Variants in ZNF423 observed in about 807,000 individuals in gnomAD.
ZNF423 encodes the protein Ebf-associated zinc finger protein.
In ZNF423, 12 loss-of-function variants were observed where a neutral mutation model predicts 95.8. The observed-to-expected ratio is 0.13, with a 90% confidence interval of 0.08 to 0.20. ZNF423 has a LOEUF of 0.20. Among genes scored for constraint, ZNF423 ranks in the 10% least tolerant of loss-of-function variants. ZNF423 has a pLI of 1.00. For missense variants in ZNF423, 1,316 were observed against 1,737.1 expected, an observed-to-expected ratio of 0.76 and a Z score of 4.31; for synonymous variants, 749 against 711.9, an observed-to-expected ratio of 1.05 and a Z score of -0.83.
At chr16:49,511,298 C>T (rs774066943) in intron 7 of ZNF423, among the ~76,000 whole-genome samples, 76 of 152,186 alleles carry the variant, frequency 5.0e-4, no homozygotes, top group Non-Finnish European at 8.8e-4. Flanking sequence ...ACGCCTGCCT[C>T]GCTGGGAGGT....
At chr16:49,544,691 C>T (rs1018902568) in intron 5 of ZNF423, among the ~76,000 whole-genome samples, 2 of 152,222 alleles carry the variant, frequency 1.3e-5, no homozygotes, top group Admixed American at 6.5e-5. Flanking sequence ...AGGGTGCTTG[C>T]AGGGGCTGAA....
intron 3 of ZNF423, among the ~76,000 whole-genome samples, chr16:49,677,159 A>G (rs2031087821): frequency 6.7e-6 from 1 of 149,360 alleles, no homozygotes; most frequent in Non-Finnish European, 1.5e-5. Flanking sequence ...CGAAGGCTGC[A>G]GTGAGTCATC....
intron 7 of ZNF423, among the ~76,000 whole-genome samples, chr16:49,493,087 G>T (rs1469085659): frequency 6.6e-6 from 1 of 152,114 alleles, no homozygotes; most frequent in Non-Finnish European, 1.5e-5. Context: ...GGATGCAGGC[G>T]GTTTCCATGG....
chr16:49,550,324 G>A (rs1011855722), intron 5 of ZNF423, among the ~76,000 whole-genome samples: 6 of 152,120 alleles, frequency 3.9e-5, no homozygotes, highest in Non-Finnish European at 8.8e-5. Context: ...TTCCCTTTTC[G>A]TCCATTCTCT....
intron 5 of ZNF423, among the ~76,000 whole-genome samples, chr16:49,546,047 T>TAA (rs1237644904): frequency 2.6e-5 from 4 of 152,214 alleles, no homozygotes; most frequent in Non-Finnish European, 4.4e-5. Context: ...TAATTTCTGT[T>TAA]ATGTGCAAAG....
At chr16:49,621,132 G>A (rs550484391) in intron 5 of ZNF423, among the ~76,000 whole-genome samples, 1 of 152,292 alleles carries the variant, frequency 6.6e-6, no homozygotes, top group East Asian at 1.9e-4. Context: ...GGGGTGAAGG[G>A]GAGGTGGGGA....
At chr16:49,527,579 G>A (rs1351595672) in intron 5 of ZNF423, among the ~76,000 whole-genome samples, 2 of 152,144 alleles carry the variant, frequency 1.3e-5, no homozygotes, top group African/African-American at 4.8e-5. Context: ...TTAGAATGAG[G>A]ACACCCCGTG....
At chr16:49,835,885 C>T (rs897600217) in intron 1 of ZNF423, among the ~76,000 whole-genome samples, 3 of 152,144 alleles carry the variant, frequency 2.0e-5, no homozygotes, top group African/African-American at 7.2e-5. Flanking sequence ...CCACAGGTTC[C>T]AACTTAAGCC....
chr16:49,719,494 T>A (rs1167447209), intron 3 of ZNF423, among the ~76,000 whole-genome samples: 1 of 152,224 alleles, frequency 6.6e-6, no homozygotes, highest in South Asian at 2.1e-4. Flanking sequence ...ATAGTCTGGC[T>A]CTGTGTCCCC....
At chr16:49,644,677 A>C (rs1393297745) in intron 3 of ZNF423, among the ~76,000 whole-genome samples, 66 of 145,228 alleles carry the variant, frequency 4.5e-4, no homozygotes, top group Middle Eastern at 3.6e-3. Context: ...AAAAAAAAAA[A>C]AAAAAAAAAA....
Position 49,637,051 on chromosome 16 carries a change from A to G in ZNF423, c.2125T>C (p.Phe709Leu). The change falls in exon 4 of 8, where the codon TTT (phenylalanine) becomes CTT (leucine). Residue 709 changes from phenylalanine (F) to leucine (L), a missense_variant. Physicochemically the swap from Phe to Leu is conservative, Grantham distance 22. Around this residue, in one of 6 missense-constraint regions of ZNF423, gnomAD observed 620 missense variants for 775.6 expected, o/e 0.80. Transcript: ENST00000563137. The surrounding 1 kb of genome is among the most constrained non-coding windows in gnomAD (Gnocchi z 5.6). ...TTCTGCAGGTCATCCACCGAGGAAA[A>G]TTGCTTGTCGCAGCTCTCGCACACA... ...HYVCESCDKQ[F>L]SSVDDLQKHL... 1 of 1,613,828 alleles carries G rather than the reference A, an allele frequency of 6.2e-7. No individual in the cohort carries two copies. Among genetic ancestry groups the G allele is most frequent in the Non-Finnish European group, 8.5e-7 (1 of 1,180,016 alleles).
intron 1 of ZNF423, among the ~76,000 whole-genome samples, chr16:49,833,870 C>T (rs908667351): frequency 6.6e-6 from 1 of 152,162 alleles, no homozygotes; most frequent in African/African-American, 2.4e-5. Context: ...GTGGAAACTC[C>T]AGGCCGCTCC....
chr16:49,636,527 G>T lies in ZNF423; in HGVS notation c.2649C>A (p.Ser883Arg). 1.9e-6 allele frequency: 3 copies of T among 1,613,822 alleles called. No individual in the cohort carries two copies. The highest frequency in any genetic ancestry group is 2.5e-6 in the Non-Finnish European group (3 of 1,180,028). Residue 883 changes from serine (S) to arginine (R), a missense_variant, in exon 4 of 8, where the codon AGC (serine) becomes AGA (arginine). Physicochemically the swap from Ser to Arg is moderately radical, Grantham distance 110. Transcript: ENST00000563137. This position sits in a 1 kb window ranked among gnomAD's most constrained non-coding sequence, Gnocchi z 8.6. ...GCTCCGACGCGTCCACGTCATCCTC[G>T]CTGGCCTCATGGCTGTTAGGTGCCT... Reference protein sequence around the residue: ...NPEAPNSHEASEDDVDASEPM... With the variant: ...NPEAPNSHEAREDDVDASEPM...
chr16:49,771,817 C>T (rs1352133568), intron 2 of ZNF423, among the ~76,000 whole-genome samples: 3 of 152,208 alleles, frequency 2.0e-5, no homozygotes, highest in Non-Finnish European at 4.4e-5. Context: ...GGTATTTCTT[C>T]ACAGCAGTAT....
chr16:49,519,164 C>A (rs1968281344), intron 7 of ZNF423, among the ~76,000 whole-genome samples: 1 of 152,196 alleles, frequency 6.6e-6, no homozygotes, highest in Non-Finnish European at 1.5e-5. Context: ...TAACACATGA[C>A]CCCATCTGTT....
Position 49,855,128 on chromosome 16 carries a change from C to T in ZNF423, c.40+607G>A, listed in dbSNP as rs1372426385. ...GCAGGGGCCCGGGCCGGGAGAAGGC[C>T]TGGGCAGGGGCGGGAGGGGGCGCCA... On this transcript the variant is annotated intron_variant, in intron 1 of 7. Coordinates refer to ENST00000563137, the MANE Select transcript of ZNF423 (RefSeq NM_001379286.1). The surrounding 1 kb of genome is among the most constrained non-coding windows in gnomAD (Gnocchi z 4.7). 11 of 848,568 alleles carry T rather than the reference C, an allele frequency of 1.3e-5. No homozygotes were observed. Among genetic ancestry groups the T allele is most frequent in the Non-Finnish European group, 1.6e-5 (11 of 706,650 alleles). 52.6% of individuals were successfully genotyped at this position (848,568 alleles called of 1,614,324 possible).
chr16:49,625,109 T>A (rs1191887343), intron 5 of ZNF423, among the ~76,000 whole-genome samples: 1 of 152,236 alleles, frequency 6.6e-6, no homozygotes, highest in South Asian at 2.1e-4. Flanking sequence ...CCAGGCGTGG[T>A]GGCTCACGCC....
Position 49,695,251 on chromosome 16 carries a change from T to A in ZNF423, c.301+35520A>T, listed in dbSNP as rs563124914. On this transcript the variant is annotated intron_variant, in intron 3 of 7. Transcript: ENST00000563137. ...GCCTCAACCTCCCAAGTAGCTGGCA[T>A]TATAGGTATGCACCACCATACCTGG... Among the ~76,000 whole-genome samples the A allele has an allele frequency of 1.2e-4, 18 of 152,324 alleles. No homozygotes were observed. In the South Asian group the frequency reaches 3.7e-3, roughly 32 times the overall value.
intron 1 of ZNF423, among the ~76,000 whole-genome samples, chr16:49,813,404 C>T (rs750627401): frequency 1.1e-4 from 17 of 152,170 alleles, no homozygotes; most frequent in African/African-American, 3.4e-4. Flanking sequence ...GCCCCAGCCT[C>T]GGATAACAGC....
Sources: gnomAD v4.1 joint callset for allele counts (sites outside exome capture counted in the v4.1 genomes callset) on GRCh38, gnomAD v4.1.1 for gene constraint, gnomAD v4.1.1 regional missense constraint, Gnocchi (gnomAD v3.1) non-coding constraint, MANE v1.5 for transcripts, NCBI Gene and HGNC (gene_info 2026-07-23, HGNC 2026-07-21) for gene names.